The following MGAT5 variants were observed in gnomAD, a reference collection of about 807,000 sequenced individuals.
MGAT5 encodes alpha-1,6-mannosylglycoprotein 6-beta-N-acetylglucosaminyltransferase, also known as alpha-1,6-mannosylglycoprotein 6-beta-N-acetylglucosaminyltransferase A.
MGAT5 carries 30 observed loss-of-function variants against 94.3 expected under a neutral mutation model. The observed-to-expected ratio is 0.32, with a 90% CI of 0.24 to 0.43. MGAT5 has a LOEUF of 0.43. MGAT5 is among the 20% of genes least tolerant of loss of function. The pLI is 1.00. For missense variants in MGAT5, 691 were observed against 905.5 expected (o/e 0.76, Z 3.04); for synonymous variants, 310 against 322.9 (o/e 0.96, Z 0.43).
chr2:134,259,059 T>C (rs1683157741), intron 1 of MGAT5, among the ~76,000 whole-genome samples: 1 of 152,242 alleles, frequency 6.6e-6, no homozygotes, highest in Non-Finnish European at 1.5e-5. Context: ...TTCTTTGGGA[T>C]TTGGCAACTC....
chr2:134,226,938 G>A (rs1177814870), intron 1 of MGAT5, among the ~76,000 whole-genome samples: 2 of 151,288 alleles, frequency 1.3e-5, no homozygotes, highest in African/African-American at 4.9e-5. Context: ...CTTCTCACAG[G>A]AAAATGGTTC....
chr2:134,306,144 A>G (rs1686313735), intron 2 of MGAT5, among the ~76,000 whole-genome samples: 1 of 152,188 alleles, frequency 6.6e-6, no homozygotes, highest in Non-Finnish European at 1.5e-5. Context: ...TACATATATG[A>G]TACCCACGTG....
At chr2:134,271,015 G>A (rs1683993039) in intron 2 of MGAT5, among the ~76,000 whole-genome samples, 1 of 152,130 alleles carries the variant, frequency 6.6e-6, no homozygotes, top group Non-Finnish European at 1.5e-5. Flanking sequence ...TAGAAATTCT[G>A]GAAATGGCTT....
chr2:134,133,368 T>C (rs549720574), intron 1 of MGAT5, among the ~76,000 whole-genome samples: 1 of 152,374 alleles, frequency 6.6e-6, no homozygotes, highest in African/African-American at 2.4e-5. Context: ...GTTATTTATG[T>C]TGCATGGCTC....
intron 1 of MGAT5, among the ~76,000 whole-genome samples, chr2:134,207,382 G>A (rs1194007485): frequency 6.6e-6 from 1 of 152,132 alleles, no homozygotes; most frequent in African/African-American, 2.4e-5. Flanking sequence ...CCTTAAAAAG[G>A]AGGCAATTAT....
intron 1 of MGAT5, among the ~76,000 whole-genome samples, chr2:134,137,829 A>G (rs1686484234): frequency 6.6e-6 from 1 of 151,674 alleles, no homozygotes; most frequent in South Asian, 2.1e-4. Context: ...CTGTTTAAAG[A>G]TAATGTATTT....
chr2:134,159,224 T>TGTGTGG (rs1259381267), intron 1 of MGAT5, among the ~76,000 whole-genome samples: 3 of 150,706 alleles, frequency 2.0e-5, no homozygotes, highest in African/African-American at 4.9e-5. Context: ...TGTGTGTGTG[T>TGTGTGG]GGTCCCTGTA....
chr2:134,301,746 G>T lies in MGAT5; in HGVS notation c.407-15783G>T, dbSNP rs147080663. On this transcript the variant is annotated intron_variant, in intron 2 of 15. Transcript: ENST00000281923. The stretch of plus-strand genomic sequence containing the variant: ...AGGCAGCTAGGAAGGGAAGATAAAC[G>T]GTAACTGGAGGAGAATAAGGACGTG... Among the ~76,000 whole-genome samples, 458 of 152,248 alleles carry T rather than the reference G, an allele frequency of 3.0e-3. 5 individuals carry two copies. Among genetic ancestry groups the T allele is most frequent in the African/African-American group, 0.01 (436 of 41,548 alleles).
intron 1 of MGAT5, among the ~76,000 whole-genome samples, chr2:134,236,642 CA>C (rs1681652295): frequency 6.6e-6 from 1 of 152,136 alleles, no homozygotes; most frequent in Non-Finnish European, 1.5e-5. Flanking sequence ...AACTGTGAGT[CA>C]AACCTCTTTC....
intron 1 of MGAT5, among the ~76,000 whole-genome samples, chr2:134,225,304 TGTTAGAAA>T (rs1221426977): frequency 6.6e-6 from 1 of 152,012 alleles, no homozygotes; most frequent in Non-Finnish European, 1.5e-5. Flanking sequence ...CCTGGGAGCT[TGTTAGAAA>T]TGCAGTCTCC....
intron 2 of MGAT5, among the ~76,000 whole-genome samples, chr2:134,298,631 C>G (rs534817724): frequency 6.6e-6 from 1 of 152,182 alleles, no homozygotes; most frequent in South Asian, 2.1e-4. Context: ...TTGTGAATTT[C>G]CAGATGTTGG....
intron 10 of MGAT5, among the ~76,000 whole-genome samples, chr2:134,387,635 G>C (rs960437973): frequency 6.6e-6 from 1 of 152,102 alleles, no homozygotes; most frequent in African/African-American, 2.4e-5. Flanking sequence ...AGTTCCTGCA[G>C]CTGGTAACAA....
intron 2 of MGAT5, among the ~76,000 whole-genome samples, chr2:134,289,185 CCAGT>C (rs1685193873): frequency 6.6e-6 from 1 of 152,174 alleles, no homozygotes; most frequent in South Asian, 2.1e-4. Context: ...CCGCAGTGTG[CCAGT>C]CTCTCCTCTT....
At chr2:134,265,737 C>CAT (rs1196244523) in intron 1 of MGAT5, among the ~76,000 whole-genome samples, 2 of 151,982 alleles carry the variant, frequency 1.3e-5, no homozygotes, top group African/African-American at 4.8e-5. Context: ...GTTGAGGACG[C>CAT]ATTTTATGGC....
rs117748397 is a variant in MGAT5 at position 134,143,528 on chromosome 2, C to T, written c.-143+23237C>T. On this transcript the variant is annotated intron_variant, in intron 1 of 16. Transcript: ENST00000409645. ...TGTAGGATTCACTGTGAGCTGAAAC[C>T]GCGCTCGGCGCATCCTGGATGCCTG... is the stretch of plus-strand genomic sequence containing the variant. Among the ~76,000 whole-genome samples the T allele has an allele frequency of 6.5e-4, 99 of 152,210 alleles. 1 individual carries two copies. The East Asian group carries it at 0.018, about 28-fold the overall frequency.
At chr2:134,283,637 T>G (rs1388247896) in intron 2 of MGAT5, among the ~76,000 whole-genome samples, 1 of 145,350 alleles carries the variant, frequency 6.9e-6, no homozygotes, top group African/African-American at 2.6e-5. Context: ...TGTTGAGGAA[T>G]GTAGTATCTT....
intron 1 of MGAT5, among the ~76,000 whole-genome samples, chr2:134,122,078 G>A (rs1402928704): frequency 1.3e-5 from 2 of 151,910 alleles, no homozygotes; most frequent in Non-Finnish European, 2.9e-5. Flanking sequence ...AGATTTATCT[G>A]GCAGTAAAGA....
intron 14 of MGAT5, among the ~76,000 whole-genome samples, chr2:134,436,480 C>T (rs567102552): frequency 6.6e-6 from 1 of 152,292 alleles, no homozygotes; most frequent in African/African-American, 2.4e-5. Flanking sequence ...TTGAACTAAG[C>T]ACACCTGTTG....
At chr2:134,381,783 G>A (rs1435376962) in intron 10 of MGAT5, among the ~76,000 whole-genome samples, 1 of 152,124 alleles carries the variant, frequency 6.6e-6, no homozygotes, top group East Asian at 1.9e-4. Flanking sequence ...TTTGTAATTG[G>A]CTTTTGTGGA....
Sources: gnomAD v4.1 joint callset for allele counts (sites outside exome capture counted in the v4.1 genomes callset) on GRCh38, gnomAD v4.1.1 for gene constraint, MANE v1.5 for transcripts, NCBI Gene and HGNC (gene_info 2026-07-23, HGNC 2026-07-21) for gene names.